The following EXOC5 variants were observed in gnomAD, a reference collection of about 807,000 sequenced individuals.
The protein encoded by EXOC5 is exocyst complex component 5, also known as SEC10-like 1.
In EXOC5, 17 loss-of-function variants were observed where a neutral mutation model predicts 90.8. The ratio of observed to expected loss-of-function variants is 0.19; its 90% CI spans 0.13 to 0.28. EXOC5 has a LOEUF of 0.28. Ranked by LOEUF, EXOC5 falls within the 10% of genes least tolerant of loss-of-function variation. The probability of loss-of-function intolerance (pLI) is 1.00; values close to 1 mark genes in which losing one functional copy is unlikely to be tolerated. For missense variants in EXOC5, 569 were observed against 830.6 expected, an observed-to-expected ratio of 0.69 and a Z score of 3.87; for synonymous variants, 260 against 270.0, an observed-to-expected ratio of 0.96 and a Z score of 0.36.
intron 1 of EXOC5, among the ~76,000 whole-genome samples, chr14:57,263,877 A>G (rs913078281): frequency 6.6e-6 from 1 of 151,884 alleles, no homozygotes; most frequent in African/African-American, 2.4e-5. Context: ...GCCTCACCTT[A>G]CAACAAACTG....
chr14:57,226,996 A>C (rs1374294560), intron 12 of EXOC5, among the ~76,000 whole-genome samples: 1 of 152,192 alleles, frequency 6.6e-6, no homozygotes, highest in African/African-American at 2.4e-5. Context: ...AATTAAGAAC[A>C]GCTATCCTTA....
At chr14:57,217,944 A>T in intron 15 of EXOC5, 38 bp downstream of exon 15, 1 of 1,020,836 alleles carries the variant, frequency 9.8e-7, no homozygotes, top group Non-Finnish European at 1.5e-6. Context: ...GTGTTTTTAT[A>T]ATTTAAAAAA....
At position 57,207,647 on chromosome 14, in the gene EXOC5, A is replaced by G. The variant is rs1882698706; in HGVS notation, c.*962T>C. On this transcript the variant is annotated 3_prime_UTR_variant, in exon 18 of 18. Coordinates refer to ENST00000621441, the MANE Select transcript of EXOC5 (RefSeq NM_006544.4). Reference sequence around the variant, plus strand: ...TTCTCAATTCTTCTTAAAATAAAAGACTAACCACATGTTCAGCCATTCCAT... The same window carrying G: ...TTCTCAATTCTTCTTAAAATAAAAGGCTAACCACATGTTCAGCCATTCCAT... 1 of 152,088 alleles carries G rather than the reference A, an allele frequency of 6.6e-6. No individual in the cohort carries two copies. The highest frequency in any genetic ancestry group is 1.5e-5 in the Non-Finnish European group (1 of 67,982). 9.4% of individuals were successfully genotyped at this position (152,088 alleles called of 1,614,324 possible).
At chr14:57,228,709 G>GA (rs1395021446) in intron 12 of EXOC5, among the ~76,000 whole-genome samples, 1 of 151,682 alleles carries the variant, frequency 6.6e-6, no homozygotes, top group African/African-American at 2.4e-5. Context: ...CTGTTGGGGG[G>GA]GTGGGGGACT....
rs1883169741 is a variant in EXOC5 at position 57,222,346 on chromosome 14, A to G, written c.1367T>C (p.Ile456Thr). ...TTCCAAAGCATAATCAATATGCTCAATACATAAAAATTCCACAAGAATGGT... is the reference window on the plus strand; with the variant it reads ...TTCCAAAGCATAATCAATATGCTCAGTACATAAAAATTCCACAAGAATGGT... ...IFTILVEFLC[I>T]EHIDYALETG... The change falls in exon 13 of 18, where the codon ATT (isoleucine) becomes ACT (threonine). Residue 456 changes from isoleucine to threonine, a missense_variant. Coordinates refer to ENST00000621441, the MANE Select transcript of EXOC5 (RefSeq NM_006544.4). 1 of 1,594,488 alleles carries G rather than the reference A, an allele frequency of 6.3e-7. No individual in the cohort carries two copies. Among genetic ancestry groups the G allele is most frequent in the African/African-American group, 1.3e-5 (1 of 74,636 alleles).
intron 1 of EXOC5, among the ~76,000 whole-genome samples, chr14:57,261,481 A>G (rs1884502468): frequency 1.3e-5 from 2 of 152,250 alleles, no homozygotes; most frequent in Non-Finnish European, 2.9e-5. Context: ...ACTCTTAAGC[A>G]TCAACCTCTA....
At chr14:57,248,091 A>G (rs963608501) in intron 1 of EXOC5, among the ~76,000 whole-genome samples, 3 of 150,986 alleles carry the variant, frequency 2.0e-5, no homozygotes, top group South Asian at 4.1e-4. Flanking sequence ...AAAATCTCAC[A>G]AAGTTTTTTT....
Position 57,205,939 on chromosome 14 carries a change from C to A in EXOC5, c.*2670G>T, listed in dbSNP as rs764508650. 6.8e-5 allele frequency: 31 copies of A among 456,118 alleles called. No homozygotes were observed. The highest frequency in any genetic ancestry group is 1.1e-4 in the Non-Finnish European group (25 of 226,664). The allele number at this position is 456,118 out of a possible 1,614,324, so 28.3% of individuals were successfully genotyped here. ...ATCCATCTAAAGATCCATCCAGCTACTATTTAATAATTCTTCATAAGGACA... is the reference window on the plus strand; with the variant it reads ...ATCCATCTAAAGATCCATCCAGCTAATATTTAATAATTCTTCATAAGGACA... On this transcript the variant is annotated 3_prime_UTR_variant, in exon 18 of 18. Coordinates refer to ENST00000621441, the MANE Select transcript of EXOC5 (RefSeq NM_006544.4).
intron 3 of EXOC5, among the ~76,000 whole-genome samples, chr14:57,245,819 G>A (rs770693671): frequency 3.9e-5 from 6 of 152,096 alleles, no homozygotes; most frequent in Admixed American, 1.3e-4. Context: ...TTGGGAGGCC[G>A]AGGCAGGCGG....
chr14:57,226,488 C>A (rs1238772902), intron 12 of EXOC5, among the ~76,000 whole-genome samples: 1 of 152,104 alleles, frequency 6.6e-6, no homozygotes, highest in Non-Finnish European at 1.5e-5. Flanking sequence ...TAATTCCAAT[C>A]AAAATCTCAG....
At chr14:57,242,583 T>C (rs1341285500) in intron 4 of EXOC5, among the ~76,000 whole-genome samples, 1 of 152,024 alleles carries the variant, frequency 6.6e-6, no homozygotes, top group African/African-American at 2.4e-5. Context: ...CAAAAATGAC[T>C]AGGGGGAAAG....
intron 12 of EXOC5, among the ~76,000 whole-genome samples, chr14:57,224,888 CCT>C (rs1388276378): frequency 6.6e-6 from 1 of 152,082 alleles, no homozygotes; most frequent in Non-Finnish European, 1.5e-5. Context: ...ATGGCGAAAC[CCT>C]GTCTCTACTA....
At chr14:57,215,950 GAACT>G (rs768643915) in intron 15 of EXOC5, among the ~76,000 whole-genome samples, 9 of 151,746 alleles carry the variant, frequency 5.9e-5, no homozygotes, top group Non-Finnish European at 1.0e-4. Context: ...TCAAAAAATA[GAACT>G]AATAAACAAA....
At chr14:57,239,706 T>A (rs773852376) in intron 4 of EXOC5, 47 bp from the exon 5 acceptor site, 1 of 1,125,064 alleles carries the variant, frequency 8.9e-7, no homozygotes, top group South Asian at 1.5e-5. Flanking sequence ...CTTTTAGGCA[T>A]ATCAAAAAAT....
chr14:57,256,392 G>A (rs1884350008), intron 1 of EXOC5, among the ~76,000 whole-genome samples: 3 of 152,138 alleles, frequency 2.0e-5, no homozygotes. Flanking sequence ...TTGAAGGTAA[G>A]GCAGAGTTAC....
chr14:57,219,141 A>C (rs1883054902), intron 14 of EXOC5, among the ~76,000 whole-genome samples, 181 bp downstream of exon 14: 1 of 152,128 alleles, frequency 6.6e-6, no homozygotes, highest in Non-Finnish European at 1.5e-5. Flanking sequence ...GAAATGCAAG[A>C]AGAAACAATA....
chr14:57,218,178 T>C (rs1030098725), intron 14 of EXOC5, 110 bp from the exon 15 acceptor site: 16 of 549,134 alleles, frequency 2.9e-5, no homozygotes, highest in Middle Eastern at 4.8e-4. Flanking sequence ...AATATATCCA[T>C]ATATACACAT....
rs980893310 is a variant in EXOC5 at position 57,200,960 on chromosome 14, G to C, written c.*7649C>G. ...TCCAGAGAGAGGGGAAGCCCAGTAT[G>C]GAGTATGGAAGCTCAAGTGAGGTGA... On this transcript the variant is annotated 3_prime_UTR_variant, in exon 18 of 18. Transcript: ENST00000621441. 8.5e-5 allele frequency: 13 copies of C among 152,200 alleles called. No individual in the cohort carries two copies. The highest frequency in any genetic ancestry group is 1.9e-4 in the Non-Finnish European group (13 of 68,046). 9.4% of individuals were successfully genotyped at this position (152,200 alleles called of 1,614,324 possible).
intron 1 of EXOC5, among the ~76,000 whole-genome samples, chr14:57,266,235 TAAGA>T (rs1333719259): frequency 1.3e-5 from 2 of 152,190 alleles, no homozygotes; most frequent in African/African-American, 4.8e-5. Context: ...CAGCTGGGAC[TAAGA>T]AAGGGAAGCA....
Sources: allele counts gnomAD v4.1 joint callset (sites outside exome capture counted in the v4.1 genomes callset), GRCh38; gene constraint gnomAD v4.1.1; transcripts MANE v1.5; gene names NCBI Gene and HGNC (gene_info 2026-07-23, HGNC 2026-07-21).